The following TMEM123 variants were observed in gnomAD, a reference collection of about 807,000 sequenced individuals.
The protein encoded by TMEM123 is transmembrane protein 123.
In TMEM123, 16 loss-of-function variants were observed where a neutral mutation model predicts 19.7. The observed-to-expected ratio is 0.81, with a 90% CI of 0.55 to 1.23. TMEM123 has a LOEUF of 1.23. Among genes scored for constraint, TMEM123 ranks in the 50% most tolerant of loss-of-function variants. TMEM123 has a pLI of 0.00. For missense variants in TMEM123, 313 were observed against 257.8 expected, an observed-to-expected ratio of 1.21 and a Z score of -1.47; for synonymous variants, 118 against 99.4, an observed-to-expected ratio of 1.19 and a Z score of -1.12.
intron 2 of TMEM123, among the ~76,000 whole-genome samples, chr11:102,429,182 G>C (rs1952154810): frequency 6.6e-6 from 1 of 151,994 alleles, no homozygotes; most frequent in Non-Finnish European, 1.5e-5. Flanking sequence ...ATCTAGTTCA[G>C]TTTTCTTCTT....
intron 2 of TMEM123, among the ~76,000 whole-genome samples, chr11:102,416,316 TA>T (rs1205705483): frequency 1.3e-5 from 2 of 152,116 alleles, no homozygotes; most frequent in Non-Finnish European, 2.9e-5. Context: ...TCAGAAATGA[TA>T]AAGGAAACAT....
chr11:102,411,175 C>T (rs1312102965), intron 2 of TMEM123, among the ~76,000 whole-genome samples: 13 of 152,166 alleles, frequency 8.5e-5, no homozygotes, highest in Admixed American at 7.2e-4. Context: ...AGGTGATTAG[C>T]GGGTTGGAAG....
intron 2 of TMEM123, among the ~76,000 whole-genome samples, chr11:102,447,072 G>C (rs1250358858): frequency 2.0e-5 from 3 of 152,196 alleles, no homozygotes; most frequent in African/African-American, 7.2e-5. Context: ...GAATGCGACA[G>C]TTATGAGGCG....
chr11:102,431,879 C>G (rs1435044301), intron 2 of TMEM123, among the ~76,000 whole-genome samples: 1 of 152,148 alleles, frequency 6.6e-6, no homozygotes, highest in East Asian at 1.9e-4. Context: ...CTCAGGAGAT[C>G]TGATGGTTTT....
chr11:102,446,390 T>C (rs1374532399), intron 2 of TMEM123, among the ~76,000 whole-genome samples: 1 of 152,222 alleles, frequency 6.6e-6, no homozygotes, highest in African/African-American at 2.4e-5. Flanking sequence ...AAAATAGAAC[T>C]GTTACATGTA....
chr11:102,401,492 G>A, intron 4 of TMEM123, 47 bp downstream of exon 4: 1 of 1,490,902 alleles, frequency 6.7e-7, no homozygotes, highest in African/African-American at 1.4e-5. Flanking sequence ...AATTAAAGAT[G>A]TGCACCAACA....
chr11:102,434,327 T>C lies in TMEM123; in HGVS notation c.157+14485A>G, dbSNP rs563371740. Among the ~76,000 whole-genome samples the C allele has an allele frequency of 1.6e-3, 250 of 152,050 alleles. 4 individuals are homozygous for C. Among genetic ancestry groups the C allele is most frequent in the Non-Finnish European group, 2.8e-3 (190 of 67,872 alleles). On this transcript the variant is annotated intron_variant, in intron 2 of 4. Transcript: ENST00000398136. The stretch of plus-strand genomic sequence containing the variant: ...CATTTCATTGTGGTTTTAATTTGCA[T>C]TTCCCTAATGATTCTTAATATTCAG...
Position 102,398,352 on chromosome 11 carries a change from T to A in TMEM123, c.*515A>T, listed in dbSNP as rs1022279799. On this transcript the variant is annotated 3_prime_UTR_variant, in exon 5 of 5. Coordinates refer to ENST00000398136, the MANE Select transcript of TMEM123 (RefSeq NM_052932.3). Reference sequence around the variant, plus strand: ...CTACTACAGTTTAAAGCACAAAAAATGTTGATGTTTTTCTTAAATTATGCT... The same window carrying A: ...CTACTACAGTTTAAAGCACAAAAAAAGTTGATGTTTTTCTTAAATTATGCT... 3 of 381,826 alleles carry A rather than the reference T, an allele frequency of 7.9e-6. No individual in the cohort carries two copies. The Admixed American group carries it at 1.3e-4, about 17-fold the overall frequency. 23.7% of individuals were successfully genotyped at this position (381,826 alleles called of 1,614,324 possible). A position where few individuals can be genotyped will look rare whatever the true frequency, so the allele number is the denominator to read the frequency against.
intron 2 of TMEM123, among the ~76,000 whole-genome samples, chr11:102,403,056 G>A (rs1951926616): frequency 6.6e-6 from 1 of 152,162 alleles, no homozygotes; most frequent in East Asian, 1.9e-4. Flanking sequence ...TGTCACCCAG[G>A]CTGAAGTGCA....
intron 2 of TMEM123, among the ~76,000 whole-genome samples, chr11:102,428,739 G>A (rs1952150076): frequency 6.6e-6 from 1 of 152,148 alleles, no homozygotes; most frequent in Non-Finnish European, 1.5e-5. Context: ...GAGATCCTCA[G>A]GAAATGATCC....
At position 102,452,555 on chromosome 11, in the gene TMEM123, C is replaced by T. The variant is rs1232188896; in HGVS notation, c.69G>A (p.Leu23=). 2 of 1,570,122 alleles carry T rather than the reference C, an allele frequency of 1.3e-6. No individual in the cohort carries two copies. The highest frequency in any genetic ancestry group is 1.7e-5 in the Admixed American group (1 of 57,374). The part of the protein sequence containing the change: ...LLGTLQVLAL[L]GAAHESAAMA... ...TGGCTGCGCTTTCATGGGCGGCCCC[C>T]AGCAGCGCTAGCACCTGCAGCGTCC... The change falls in exon 1 of 5, where the codon CTG becomes CTA. Residue 23 remains leucine (L), a synonymous_variant. Transcript: ENST00000398136.
At position 102,447,081 on chromosome 11, in the gene TMEM123, C is replaced by T. The variant is rs575589600; in HGVS notation, c.157+1731G>A. On this transcript the variant is annotated intron_variant, in intron 2 of 4. Transcript: ENST00000398136. ...AAAGAGGAATGCGACAGTTATGAGG[C>T]GTAAAACACATTGTGCAAAAACATT... Among the ~76,000 whole-genome samples the T allele has an allele frequency of 8.1e-4, 123 of 152,250 alleles. 1 individual carries two copies. The highest frequency in any genetic ancestry group is 1.1e-3 in the Non-Finnish European group (73 of 67,986).
intron 4 of TMEM123, among the ~76,000 whole-genome samples, chr11:102,400,394 T>C (rs145574326): frequency 3.0e-4 from 46 of 152,340 alleles, no homozygotes; most frequent in African/African-American, 9.4e-4. Flanking sequence ...CTTAGAGAAG[T>C]CTTATAGTAA....
chr11:102,415,465 T>TA (rs1565349885), intron 2 of TMEM123, among the ~76,000 whole-genome samples: 1 of 152,134 alleles, frequency 6.6e-6, no homozygotes, highest in East Asian at 1.9e-4. Context: ...CTCAACAAAT[T>TA]ACGATTCTCA....
chr11:102,442,045 T>C (rs1362348757), intron 2 of TMEM123, among the ~76,000 whole-genome samples: 1 of 152,156 alleles, frequency 6.6e-6, no homozygotes, highest in Non-Finnish European at 1.5e-5. Context: ...GCTCTGAAAT[T>C]GAGGCAATAA....
intron 2 of TMEM123, among the ~76,000 whole-genome samples, chr11:102,409,092 C>T (rs1951980475): frequency 6.6e-6 from 1 of 152,098 alleles, no homozygotes; most frequent in Non-Finnish European, 1.5e-5. Flanking sequence ...AATTTGTTTT[C>T]ATCAGGGCAT....
rs1238132230 is a variant in TMEM123 at position 102,398,596 on chromosome 11, C to G, written c.*271G>C. On this transcript the variant is annotated 3_prime_UTR_variant, in exon 5 of 5. Coordinates refer to ENST00000398136, the MANE Select transcript of TMEM123 (RefSeq NM_052932.3). ...ATGTGACCAATGCCCCCACCCCAGC[C>G]AAAAAAAAAAAGATAGGACTTGTTT... is the stretch of plus-strand genomic sequence containing the variant. The G allele has an allele frequency of 3.5e-6, 1 of 282,094 alleles. No homozygotes were observed. The highest frequency in any genetic ancestry group is 6.5e-6 in the Non-Finnish European group (1 of 153,426). 17.5% of individuals were successfully genotyped at this position (282,094 alleles called of 1,614,324 possible). A position where few individuals can be genotyped will look rare whatever the true frequency, so the allele number is the denominator to read the frequency against.
intron 2 of TMEM123, among the ~76,000 whole-genome samples, chr11:102,413,800 C>T (rs1006909634): frequency 2.6e-5 from 4 of 152,194 alleles, no homozygotes; most frequent in South Asian, 4.1e-4. Flanking sequence ...ACTCAAAAAG[C>T]TGCAGTGTCT....
chr11:102,450,846 A>T (rs1364562700), intron 1 of TMEM123, among the ~76,000 whole-genome samples: 1 of 152,258 alleles, frequency 6.6e-6, no homozygotes, highest in Non-Finnish European at 1.5e-5. Context: ...TCAGCCATTA[A>T]GAGTTTTAGT....
Sources: gnomAD v4.1 joint callset for allele counts (sites outside exome capture counted in the v4.1 genomes callset) on GRCh38, gnomAD v4.1.1 for gene constraint, MANE v1.5 for transcripts, NCBI Gene and HGNC (gene_info 2026-07-23, HGNC 2026-07-21) for gene names.